Variants in PACRG observed in about 807,000 individuals in gnomAD.
PACRG encodes the protein parkin coregulated.
A neutral mutation model predicts 29.7 loss-of-function variants in PACRG; 29 were observed. That is an observed-to-expected ratio of 0.98 (90% CI 0.73 to 1.33). The LOEUF (loss-of-function observed/expected upper bound fraction) is 1.33, where lower values mean the gene tolerates loss of function less well. PACRG is among the 40% of genes most tolerant of loss of function. The probability of loss-of-function intolerance (pLI) is 0.00; values close to 1 mark genes in which losing one functional copy is unlikely to be tolerated. For synonymous variants in PACRG, 116 were observed against 118.7 expected, an observed-to-expected ratio of 0.98 and a Z score of 0.15; for missense variants, 279 against 316.2, an observed-to-expected ratio of 0.88 and a Z score of 0.89.
chr6:163,088,867 T>C (rs1275678662), intron 3 of PACRG, among the ~76,000 whole-genome samples: 1 of 152,148 alleles, frequency 6.6e-6, no homozygotes, highest in Non-Finnish European at 1.5e-5. Flanking sequence ...ATTGTATGGA[T>C]TGTTGCATGA....
rs1562582605 is a variant in PACRG, at chr6:162,773,493, C to CTTTTTTTTTTTTTTTTTT, written c.157-40654_157-40653insTTTTTTTTTTTTTTTTTT. ...GATATTTGGTATTTTTACAGCTTGT[C>CTTTTTTTTTTTTTTTTTT]ATTTTTTTTTTTTTTTTTTTTTTTT... On this transcript the variant is annotated intron_variant, in intron 1 of 4. Coordinates refer to ENST00000366888, the MANE Select transcript of PACRG (RefSeq NM_001080379.2). 6.0e-5 allele frequency among the ~76,000 whole-genome samples: 5 copies of CTTTTTTTTTTTTTTTTTT among 82,768 alleles called. 1 individual carries two copies. Among genetic ancestry groups the CTTTTTTTTTTTTTTTTTT allele is most frequent in the African/African-American group, 2.4e-4 (5 of 21,038 alleles). 54.3% of individuals were successfully genotyped at this position (82,768 alleles called of 152,430 possible).
chr6:162,733,658 C>T (rs963915772), intron 1 of PACRG, among the ~76,000 whole-genome samples: 4 of 152,100 alleles, frequency 2.6e-5, no homozygotes, highest in African/African-American at 9.7e-5. Flanking sequence ...TCTGCCCACC[C>T]TTGCTGCTTT....
At chr6:163,264,463 C>A (rs961238535) in intron 4 of PACRG, among the ~76,000 whole-genome samples, 2 of 152,194 alleles carry the variant, frequency 1.3e-5, no homozygotes, top group African/African-American at 4.8e-5. Flanking sequence ...AACAAGCCAG[C>A]AGCAGGGGAC....
intron 4 of PACRG, among the ~76,000 whole-genome samples, chr6:163,308,148 T>TA (rs1022808259): frequency 1.3e-5 from 2 of 152,208 alleles, no homozygotes; most frequent in Non-Finnish European, 2.9e-5. Context: ...TAATTCATAT[T>TA]AAAAAAACTC....
chr6:163,179,392 A>AT, intron 4 of PACRG: 1 of 185,970 alleles, frequency 5.4e-6, no homozygotes, highest in East Asian at 1.4e-4. Flanking sequence ...TGTTCTTTAA[A>AT]TTAAAAAAAA....
intron 4 of PACRG, among the ~76,000 whole-genome samples, chr6:163,171,424 T>C (rs2128347391): frequency 6.6e-6 from 1 of 152,302 alleles, no homozygotes; most frequent in Admixed American, 6.5e-5. Context: ...TGTATATCTT[T>C]GCCCCTCCGT....
At chr6:163,216,313 A>C (rs1781361935) in intron 4 of PACRG, among the ~76,000 whole-genome samples, 1 of 152,140 alleles carries the variant, frequency 6.6e-6, no homozygotes, top group African/African-American at 2.4e-5. Flanking sequence ...AAGGGCTGGA[A>C]ACCGAGGGGC....
intron 2 of PACRG, among the ~76,000 whole-genome samples, chr6:163,034,506 T>C (rs1298663649): frequency 6.6e-6 from 1 of 152,112 alleles, no homozygotes; most frequent in Non-Finnish European, 1.5e-5. Flanking sequence ...ATCCGTGCCT[T>C]TTATGAAGAG....
chr6:163,073,226 CAG>C (rs1812237391), intron 3 of PACRG, among the ~76,000 whole-genome samples: 1 of 151,926 alleles, frequency 6.6e-6, no homozygotes, highest in Non-Finnish European at 1.5e-5. Flanking sequence ...GCATAAAAAA[CAG>C]AAGCACAGAC....
At chr6:163,208,062 T>G (rs1780981307) in intron 4 of PACRG, among the ~76,000 whole-genome samples, 1 of 152,228 alleles carries the variant, frequency 6.6e-6, no homozygotes, top group Admixed American at 6.5e-5. Context: ...CTCTTCACAG[T>G]TGTCTAACAT....
At chr6:163,119,076 C>T (rs938555012) in intron 4 of PACRG, among the ~76,000 whole-genome samples, 9 of 152,202 alleles carry the variant, frequency 5.9e-5, no homozygotes, top group Admixed American at 5.9e-4. Context: ...CAGGCATGAG[C>T]AGGAAAATAC....
intron 2 of PACRG, among the ~76,000 whole-genome samples, chr6:162,912,000 C>T (rs1796334434): frequency 6.6e-6 from 1 of 152,172 alleles, no homozygotes; most frequent in Non-Finnish European, 1.5e-5. Context: ...TGCCAAAGTC[C>T]CTCACTGGCC....
chr6:163,124,434 T>A (rs975309574), intron 4 of PACRG, among the ~76,000 whole-genome samples: 20 of 152,342 alleles, frequency 1.3e-4, no homozygotes, highest in Admixed American at 7.2e-4. Flanking sequence ...CTACTGGGTC[T>A]TAAGTTGAAT....
In PACRG at chr6:162,889,997, C is replaced by T. The variant is rs117249400; in HGVS notation, c.291+75716C>T. On this transcript the variant is annotated intron_variant, in intron 2 of 4. Coordinates refer to ENST00000366888, the MANE Select transcript of PACRG (RefSeq NM_001080379.2). ...TAACCTGAAATAAACTATGTCAAAT[C>T]GATTAGAAAGGTCTGAGCACATCTG... Among the ~76,000 whole-genome samples the T allele has an allele frequency of 1.5e-4, 23 of 152,254 alleles. No individual in the cohort carries two copies. The East Asian group carries it at 2.7e-3, about 18-fold the overall frequency.
chr6:163,062,797 T>C (rs1195154062), intron 3 of PACRG, among the ~76,000 whole-genome samples: 1 of 152,190 alleles, frequency 6.6e-6, no homozygotes, highest in African/African-American at 2.4e-5. Context: ...TAATCTACAA[T>C]AGGTAAGCTG....
chr6:163,166,375 G>A (rs1344525214), intron 4 of PACRG: 2 of 346,460 alleles, frequency 5.8e-6, no homozygotes, highest in East Asian at 1.6e-4. Flanking sequence ...ACTGCTTACT[G>A]TGCCAAGTTA....
chr6:163,003,422 G>T (rs1473728535), intron 2 of PACRG, among the ~76,000 whole-genome samples: 1 of 152,064 alleles, frequency 6.6e-6, no homozygotes, highest in Non-Finnish European at 1.5e-5. Context: ...AAGGGAAGAG[G>T]AAATTGAGCC....
At chr6:163,237,118 T>TACAG (rs914719318) in intron 4 of PACRG, among the ~76,000 whole-genome samples, 2 of 152,200 alleles carry the variant, frequency 1.3e-5, no homozygotes, top group African/African-American at 4.8e-5. Flanking sequence ...GATGGTTTGA[T>TACAG]ACAGGCTTTT....
intron 4 of PACRG, among the ~76,000 whole-genome samples, chr6:163,248,764 C>T (rs1047753788): frequency 6.6e-5 from 10 of 152,076 alleles, no homozygotes; most frequent in South Asian, 2.1e-4. Context: ...CCACTTAAGA[C>T]GAAGCTGAGG....
Sources: gnomAD v4.1 joint callset for allele counts (sites outside exome capture counted in the v4.1 genomes callset) on GRCh38, gnomAD v4.1.1 for gene constraint, MANE v1.5 for transcripts, NCBI Gene and HGNC (gene_info 2026-07-23, HGNC 2026-07-21) for gene names.